DLG5: variants seen among roughly 807,000 people sequenced by gnomAD.
DLG5 encodes disks large homolog 5.
Under a neutral mutation model 189.8 loss-of-function variants are expected in DLG5, and 48 were observed. The ratio of observed to expected loss-of-function variants is 0.25; its 90% CI spans 0.20 to 0.32. The LOEUF is 0.32. Among genes scored for constraint, DLG5 ranks in the 10% least tolerant of loss-of-function variants. DLG5 has a pLI of 1.00. For synonymous variants in DLG5, 1,016 were observed against 1,054.1 expected (o/e 0.96, Z 0.70); for missense variants, 2,160 against 2,544.7 (o/e 0.85, Z 3.25).
At chr10:77,798,717 C>G (rs570106095) in intron 27 of DLG5, among the ~76,000 whole-genome samples, 12 of 152,190 alleles carry the variant, frequency 7.9e-5, no homozygotes, top group Non-Finnish European at 1.8e-4. Context: ...AACACTTATT[C>G]TGGATCGACT....
At chr10:77,891,578 A>G (rs1845609129) in intron 1 of DLG5, among the ~76,000 whole-genome samples, 1 of 56,106 alleles carries the variant, frequency 1.8e-5, no homozygotes, top group Non-Finnish European at 3.3e-5. Flanking sequence ...CAACAGACAC[A>G]CACACACACA....
At chr10:77,897,052 A>G (rs1209239750) in intron 1 of DLG5, among the ~76,000 whole-genome samples, 1 of 152,120 alleles carries the variant, frequency 6.6e-6, no homozygotes, top group African/African-American at 2.4e-5. Flanking sequence ...AGGAAAAAAA[A>G]ATAGGCATCA....
At chr10:77,830,643 A>G in intron 10 of DLG5, 98 bp downstream of exon 10, 1 of 1,533,676 alleles carries the variant, frequency 6.5e-7, no homozygotes, top group Non-Finnish European at 8.8e-7. Flanking sequence ...GAGAACCTCC[A>G]AACTTGGAGT....
At chr10:77,792,787 T>G in intron 31 of DLG5, 1 of 487,146 alleles carries the variant, frequency 2.1e-6, no homozygotes, top group Admixed American at 3.6e-5. Flanking sequence ...TGGGTTGGGT[T>G]TGCAATGGTT....
At chr10:77,939,718 C>T in the DLG5 span, among the ~76,000 whole-genome samples, 4 of 152,136 alleles carry the variant, frequency 2.6e-5, no homozygotes, top group African/African-American at 9.7e-5. Flanking sequence ...GGAACACTGG[C>T]CTTCACTTTC....
chr10:77,940,056 G>A, the DLG5 span, among the ~76,000 whole-genome samples: 1 of 151,920 alleles, frequency 6.6e-6, no homozygotes, highest in African/African-American at 2.4e-5. Context: ...GCCAGAACTT[G>A]ACCAACAACT....
chr10:77,873,291 A>G (rs1025454849), intron 1 of DLG5, among the ~76,000 whole-genome samples: 1 of 151,934 alleles, frequency 6.6e-6, no homozygotes. Flanking sequence ...TTCAGAATGC[A>G]TTTCTCACAA....
At chr10:77,842,228 G>A in intron 6 of DLG5, 35 bp from the exon 7 acceptor site, 1 of 1,583,642 alleles carries the variant, frequency 6.3e-7, no homozygotes, top group South Asian at 1.1e-5. Context: ...GGGAAGGGCG[G>A]GGGCCCTGCC....
At chr10:77,799,781 T>A (rs1373981736) in intron 27 of DLG5, among the ~76,000 whole-genome samples, 2 of 152,154 alleles carry the variant, frequency 1.3e-5, no homozygotes, top group African/African-American at 2.4e-5. Flanking sequence ...ATTAGTTTTT[T>A]AAAGTTTTTG....
At chr10:77,853,575 G>T (rs1180580169) in intron 4 of DLG5, 38 bp from the exon 5 acceptor site, 10 of 1,498,354 alleles carry the variant, frequency 6.7e-6, no homozygotes, top group South Asian at 1.3e-5. Context: ...GCCCCAGCCA[G>T]CCCCTCACAC....
At chr10:77,810,529 T>C (rs1032567095) in intron 23 of DLG5, among the ~76,000 whole-genome samples, 6 of 152,214 alleles carry the variant, frequency 3.9e-5, no homozygotes, top group African/African-American at 7.2e-5. Context: ...GCAGCTCCCA[T>C]GGAGCTCCTT....
At chr10:77,899,791 C>T (rs2818830) in intron 1 of DLG5, among the ~76,000 whole-genome samples, 46,153 of 152,052 alleles carry the variant, frequency 0.3, 7,656 homozygotes, top group Admixed American at 0.43. Context: ...CCATCCCTGC[C>T]GCCCACTGGA....
intron 5 of DLG5, among the ~76,000 whole-genome samples, chr10:77,844,872 G>A (rs560264520): frequency 2.2e-4 from 34 of 152,330 alleles, no homozygotes; most frequent in African/African-American, 7.5e-4. Context: ...GGGCAGAGAG[G>A]GGGGCAGGGT....
intron 1 of DLG5, among the ~76,000 whole-genome samples, chr10:77,899,741 G>A (rs1179269780): frequency 6.6e-6 from 1 of 152,106 alleles, no homozygotes; most frequent in Non-Finnish European, 1.5e-5. Flanking sequence ...TTTAAACCCT[G>A]GCCTCTTCCT....
At chr10:77,934,855 T>TG in the DLG5 span, among the ~76,000 whole-genome samples, 39,414 of 147,630 alleles carry the variant, frequency 0.27, 5,823 homozygotes, top group Admixed American at 0.39. Context: ...TTTTTTTGTT[T>TG]TTTTGTTTTT....
At position 77,821,580 on chromosome 10, in the gene DLG5, C is replaced by T. The variant is rs768134874; in HGVS notation, c.2904G>A (p.Lys968=). The part of the protein sequence containing the change: ...PEKLSVYKKP[K]QRKSIFDPNT... ...TAGGGTCAAAGATGGACTTTCTTTG[C>T]TTTGGCTTTTTATAAACAGAGAGCT... The change falls in exon 15 of 32, where the codon AAG becomes AAA. Residue 968 remains lysine (K), a synonymous_variant. Coordinates refer to ENST00000372391, the MANE Select transcript of DLG5 (RefSeq NM_004747.4). 9 of 1,612,900 alleles carry T rather than the reference C, an allele frequency of 5.6e-6. No homozygotes were observed. In the African/African-American group the frequency reaches 1.1e-4, roughly 19 times the overall value.
rs1840700206 is a variant in DLG5, at chr10:77,792,745, G to A, written c.5657-202C>T. 5.1e-6 allele frequency: 3 copies of A among 586,950 alleles called. No homozygotes were observed. The South Asian group carries it at 6.2e-5, about 12-fold the overall frequency. 36.4% of individuals were successfully genotyped at this position (586,950 alleles called of 1,614,324 possible). ...CCCCTCTTGAGTTGATCACTCATAT[G>A]TAAACTGCCCACCCCACTGCAGTTA... On this transcript the variant is annotated intron_variant, in intron 31 of 31. Coordinates refer to ENST00000372391, the MANE Select transcript of DLG5 (RefSeq NM_004747.4).
At chr10:77,809,827 C>T (rs1489270901) in intron 23 of DLG5, 97 bp from the exon 24 acceptor site, 1 of 1,410,158 alleles carries the variant, frequency 7.1e-7, no homozygotes, top group African/African-American at 1.4e-5. Context: ...CTGCCTGCTT[C>T]TTGGGGTCTC....
chr10:77,933,125 T>C, the DLG5 span, among the ~76,000 whole-genome samples: 1 of 152,176 alleles, frequency 6.6e-6, no homozygotes, highest in African/African-American at 2.4e-5. Context: ...AGCTTAGATG[T>C]TAACCTTTAG....
Sources: gnomAD v4.1 joint callset for allele counts (sites outside exome capture counted in the v4.1 genomes callset) on GRCh38, gnomAD v4.1.1 for gene constraint, MANE v1.5 for transcripts, NCBI Gene and HGNC (gene_info 2026-07-23, HGNC 2026-07-21) for gene names.